Variants in ASB18 observed in about 807,000 individuals in gnomAD.
ASB18 encodes the protein ankyrin repeat and SOCS box protein 18.
ASB18 carries 33 observed loss-of-function variants against 33.4 expected under a neutral mutation model. That is an observed-to-expected ratio of 0.99 (90% CI 0.75 to 1.32). ASB18 has a LOEUF of 1.32. Among genes scored for constraint, ASB18 ranks in the 40% most tolerant of loss-of-function variants. The pLI is 0.00. For missense variants in ASB18, 694 were observed against 655.5 expected, an observed-to-expected ratio of 1.06 and a Z score of -0.64; for synonymous variants, 295 against 307.6, an observed-to-expected ratio of 0.96 and a Z score of 0.43.
In ASB18 at chr2:236,262,599, G is replaced by C. The variant is rs901694588; in HGVS notation, c.205+1542C>G. ...ATGCAGTTTGCAGAGATCAGCCTCG[G>C]GGGGGTGCTTGGGCACGGTGGGCCT... On this transcript the variant is annotated intron_variant, in intron 1 of 5. Transcript: ENST00000409749. This position sits in a 1 kb window ranked among gnomAD's most constrained non-coding sequence, Gnocchi z 5.2. Among the ~76,000 whole-genome samples, 1 of 152,232 alleles carries C rather than the reference G, an allele frequency of 6.6e-6. No individual in the cohort carries two copies. Among genetic ancestry groups the C allele is most frequent in the African/African-American group, 2.4e-5 (1 of 41,462 alleles).
Position 236,216,100 on chromosome 2 carries a change from C to T in ASB18, c.597-1234G>A, listed in dbSNP as rs191254874. ...TACTCAAATGGCCGAATCTTCAAGCCGGAGTCCATTCTTCACCCCCCTCCT... is the reference window on the plus strand; with the variant it reads ...TACTCAAATGGCCGAATCTTCAAGCTGGAGTCCATTCTTCACCCCCCTCCT... On this transcript the variant is annotated intron_variant, in intron 3 of 5. Coordinates refer to ENST00000409749, the MANE Select transcript of ASB18 (RefSeq NM_212556.4). This position sits in a 1 kb window ranked among gnomAD's most constrained non-coding sequence, Gnocchi z 6.1. Among the ~76,000 whole-genome samples, 239 of 152,290 alleles carry T rather than the reference C, an allele frequency of 1.6e-3. No individual in the cohort carries two copies. The highest frequency in any genetic ancestry group is 5.2e-3 in the Admixed American group (79 of 15,304).
At position 236,203,165 on chromosome 2, in the gene ASB18, T is replaced by C. The variant is rs1385077631; in HGVS notation, c.1102-6780A>G. Among the ~76,000 whole-genome samples, 1 of 152,152 alleles carries C rather than the reference T, an allele frequency of 6.6e-6. No homozygotes were observed. The highest frequency in any genetic ancestry group is 1.5e-5 in the Non-Finnish European group (1 of 68,034). ...ATTGTGTTATGTCTGCATGTTATGA[T>C]GGCCAGCTCCACCTTCACAGAGCTT... On this transcript the variant is annotated intron_variant, in intron 4 of 5. Transcript: ENST00000409749. This position sits in a 1 kb window ranked among gnomAD's most constrained non-coding sequence, Gnocchi z 6.0.
At position 236,242,474 on chromosome 2, in the gene ASB18, T is replaced by C. The variant is rs572857734; in HGVS notation, c.206-1072A>G. ...TGGTTTGGGTGCTATGAATTGTTTGTACATTTATAAATAGTTGGGAAAAAT... is the reference window on the plus strand; with the variant it reads ...TGGTTTGGGTGCTATGAATTGTTTGCACATTTATAAATAGTTGGGAAAAAT... On this transcript the variant is annotated intron_variant, in intron 1 of 5. Coordinates refer to ENST00000409749, the MANE Select transcript of ASB18 (RefSeq NM_212556.4). Among the ~76,000 whole-genome samples, 3 of 152,302 alleles carry C rather than the reference T, an allele frequency of 2.0e-5. No homozygotes were observed. The South Asian group carries it at 6.2e-4, about 32-fold the overall frequency.
intron 1 of ASB18, chr2:236,254,167 A>T (rs1162704712): frequency 6.6e-6 from 1 of 152,242 alleles, no homozygotes; most frequent in Non-Finnish European, 1.5e-5. Context: ...CTGAGTTCCA[A>T]TAAAACTTTA....
chr2:236,215,480 A>T lies in ASB18; in HGVS notation c.597-614T>A, dbSNP rs2060483466. Among the ~76,000 whole-genome samples the T allele has an allele frequency of 6.6e-6, 1 of 152,154 alleles. No homozygotes were observed. On this transcript the variant is annotated intron_variant, in intron 3 of 5. Coordinates refer to ENST00000409749, the MANE Select transcript of ASB18 (RefSeq NM_212556.4). This position sits in a 1 kb window ranked among gnomAD's most constrained non-coding sequence, Gnocchi z 7.2. ...GTGAGCCTACCTGTGCTGCTTGAAC[A>T]GACTGGATATTGGCTGCACCTGAAT... is the stretch of plus-strand genomic sequence containing the variant.
In ASB18 at chr2:236,229,286, G is replaced by T. The variant is rs368387007; in HGVS notation, c.596+8403C>A. On this transcript the variant is annotated intron_variant, in intron 3 of 5. Coordinates refer to ENST00000409749, the MANE Select transcript of ASB18 (RefSeq NM_212556.4). This position sits in a 1 kb window ranked among gnomAD's most constrained non-coding sequence, Gnocchi z 5.2. ...TGGAGATAAAAATATAGTGGATAAG[G>T]TTCATGGCAGATCAGGTATTTCAGA... Among the ~76,000 whole-genome samples the T allele has an allele frequency of 9.6e-4, 146 of 152,218 alleles. 1 individual carries two copies. Among genetic ancestry groups the T allele is most frequent in the African/African-American group, 3.1e-3 (129 of 41,556 alleles).
rs112868596 is a variant in ASB18 at position 236,262,887 on chromosome 2, G to A, written c.205+1254C>T. Among the ~76,000 whole-genome samples the A allele has an allele frequency of 1.4e-3, 10 of 7,062 alleles. 1 individual carries two copies. Among genetic ancestry groups the A allele is most frequent in the South Asian group, 0.018 (2 of 112 alleles). The allele number at this position is 7,062 out of a possible 152,430, so 4.6% of individuals were successfully genotyped here. A position where few individuals can be genotyped will look rare whatever the true frequency, so the allele number is the denominator to read the frequency against. On this transcript the variant is annotated intron_variant, in intron 1 of 5. Coordinates refer to ENST00000409749, the MANE Select transcript of ASB18 (RefSeq NM_212556.4). This position sits in a 1 kb window ranked among gnomAD's most constrained non-coding sequence, Gnocchi z 5.2. ...CCAGAAAGTAGACCCAAACCAAGGGGGGGGGGCGGACCCCCTCGGAAGTTC... is the reference window on the plus strand; with the variant it reads ...CCAGAAAGTAGACCCAAACCAAGGGAGGGGGGCGGACCCCCTCGGAAGTTC...
Position 236,220,976 on chromosome 2 carries a change from G to A in ASB18, c.597-6110C>T, listed in dbSNP as rs563371227. Among the ~76,000 whole-genome samples, 19 of 152,110 alleles carry A rather than the reference G, an allele frequency of 1.2e-4. No homozygotes were observed. Among genetic ancestry groups the A allele is most frequent in the Non-Finnish European group, 1.5e-5 (1 of 68,028 alleles). On this transcript the variant is annotated intron_variant, in intron 3 of 5. Transcript: ENST00000409749. This position sits in a 1 kb window ranked among gnomAD's most constrained non-coding sequence, Gnocchi z 5.1. ...AGGCGACCCATGGACCTCATTCTACGGGGTGGCACAGTAACCGGTTCTCAC... is the reference window on the plus strand; with the variant it reads ...AGGCGACCCATGGACCTCATTCTACAGGGTGGCACAGTAACCGGTTCTCAC...
chr2:236,247,578 C>T (rs2060650717), intron 1 of ASB18: 1 of 152,154 alleles, frequency 6.6e-6, no homozygotes, highest in Non-Finnish European at 1.5e-5. Context: ...GCTGCCTTCA[C>T]ATTTATCTAT....
At position 236,214,367 on chromosome 2, in the gene ASB18, G is replaced by C; in HGVS notation, c.1096C>G (p.Pro366Ala). ...CGGGCTGGATCCTGCCTTACCTTGG[G>C]GAAGGCGTCGGGCCACACGGTGGGA... ...GSPTVWPDAFPKVLKTCASVP... is the reference protein window; with the variant it reads ...GSPTVWPDAFAKVLKTCASVP... The change falls in exon 4 of 6, where the codon CCC becomes GCC. Residue 366 changes from proline to alanine, a missense_variant. Transcript: ENST00000409749. The surrounding 1 kb of genome is among the most constrained non-coding windows in gnomAD (Gnocchi z 6.5). 4.4e-6 allele frequency: 7 copies of C among 1,575,212 alleles called. No homozygotes were observed. The highest frequency in any genetic ancestry group is 6.0e-6 in the Non-Finnish European group (7 of 1,164,776).
rs1020202574 is a variant in ASB18 at position 236,213,670 on chromosome 2, C to A, written c.1101+692G>T. ...TTATCATTATTATTTCAGGGTAGAT[C>A]TGACGGGTGGAACAAGGATGAGTTG... On this transcript the variant is annotated intron_variant, in intron 4 of 5. Coordinates refer to ENST00000409749, the MANE Select transcript of ASB18 (RefSeq NM_212556.4). This position sits in a 1 kb window ranked among gnomAD's most constrained non-coding sequence, Gnocchi z 4.8. The A allele has an allele frequency of 6.6e-6, 1 of 152,136 alleles. No homozygotes were observed. Among genetic ancestry groups the A allele is most frequent in the Non-Finnish European group, 1.5e-5 (1 of 68,036 alleles). 9.4% of individuals were successfully genotyped at this position (152,136 alleles called of 1,614,324 possible).
rs908581251 is a variant in ASB18, at chr2:236,255,224, A to C, written c.205+8917T>G. Among the ~76,000 whole-genome samples the C allele has an allele frequency of 6.6e-6, 1 of 151,414 alleles. No homozygotes were observed. Among genetic ancestry groups the C allele is most frequent in the Non-Finnish European group, 1.5e-5 (1 of 67,860 alleles). ...AGTAGCGCGATCTTGGCTCACTGCA[A>C]CCTCCTCCTCCCAGGTTCAAGCGAT... On this transcript the variant is annotated intron_variant, in intron 1 of 5. Coordinates refer to ENST00000409749, the MANE Select transcript of ASB18 (RefSeq NM_212556.4). The surrounding 1 kb of genome is among the most constrained non-coding windows in gnomAD (Gnocchi z 4.4).
rs954262056 is a variant in ASB18, at chr2:236,249,756, C to T, written c.206-8354G>A. 5 of 151,986 alleles carry T rather than the reference C, an allele frequency of 3.3e-5. No homozygotes were observed. Among genetic ancestry groups the T allele is most frequent in the African/African-American group, 9.7e-5 (4 of 41,358 alleles). 9.4% of individuals were successfully genotyped at this position (151,986 alleles called of 1,614,324 possible). On this transcript the variant is annotated intron_variant, in intron 1 of 5. Coordinates refer to ENST00000409749, the MANE Select transcript of ASB18 (RefSeq NM_212556.4). The surrounding 1 kb of genome is among the most constrained non-coding windows in gnomAD (Gnocchi z 4.6). ...AATTTCTGTGGTCTTTTGCTGCAGA[C>T]CATGAAGTGAATTTAGGAAAAGGAA...
At chr2:236,202,344 TTA>T (rs2060407060) in intron 4 of ASB18, among the ~76,000 whole-genome samples, 1 of 152,148 alleles carries the variant, frequency 6.6e-6, no homozygotes, top group Non-Finnish European at 1.5e-5. Context: ...TTTTCATTTA[TTA>T]TCATAAATCA....
At position 236,196,164 on chromosome 2, in the gene ASB18, T is replaced by C; in HGVS notation, c.1215+108A>G. The C allele has an allele frequency of 6.9e-6, 5 of 722,366 alleles. No individual in the cohort carries two copies. Among genetic ancestry groups the C allele is most frequent in the Non-Finnish European group, 1.3e-5 (5 of 390,842 alleles). 44.7% of individuals were successfully genotyped at this position (722,366 alleles called of 1,614,324 possible). A position where few individuals can be genotyped will look rare whatever the true frequency, so the allele number is the denominator to read the frequency against. On this transcript the variant is annotated intron_variant, in intron 5 of 5. Coordinates refer to ENST00000409749, the MANE Select transcript of ASB18 (RefSeq NM_212556.4). This position sits in a 1 kb window ranked among gnomAD's most constrained non-coding sequence, Gnocchi z 5.6. ...ACCCTCATTTCCCATTCTTCCTTTT[T>C]CAGATGTATAATACTTAGCCGAATA...
chr2:236,224,185 GTTTTTTTTT>G (rs1161648778), intron 3 of ASB18, among the ~76,000 whole-genome samples: 59 of 66,806 alleles, frequency 8.8e-4, no homozygotes, highest in African/African-American at 2.5e-3. Context: ...GTGTTGTCAG[GTTTTTTTTT>G]TTTTTTTTTT....
rs149881278 is a variant in ASB18, at chr2:236,251,999, G to A, written c.206-10597C>T. The stretch of plus-strand genomic sequence containing the variant: ...AAATAGTAGAAATCTGGCCGGGCAT[G>A]GTGGCTCATGCCTGTAATCCCAGCA... On this transcript the variant is annotated intron_variant, in intron 1 of 5. Transcript: ENST00000409749. The surrounding 1 kb of genome is among the most constrained non-coding windows in gnomAD (Gnocchi z 5.3). Among the ~76,000 whole-genome samples the A allele has an allele frequency of 0.01, 1,577 of 152,242 alleles. 23 individuals carry two copies. The highest frequency in any genetic ancestry group is 0.036 in the African/African-American group (1,504 of 41,540).
intron 4 of ASB18, among the ~76,000 whole-genome samples, chr2:236,212,486 A>G (rs1193755401): frequency 1.3e-5 from 2 of 152,248 alleles, no homozygotes; most frequent in African/African-American, 4.8e-5. Flanking sequence ...GATTATTTCT[A>G]GTCGCTACTG....
At position 236,256,677 on chromosome 2, in the gene ASB18, G is replaced by A. The variant is rs1188997482; in HGVS notation, c.205+7464C>T. 6.6e-6 allele frequency among the ~76,000 whole-genome samples: 1 copy of A among 152,118 alleles called. No homozygotes were observed. The highest frequency in any genetic ancestry group is 1.5e-5 in the Non-Finnish European group (1 of 68,010). ...GCATACATTATTTCTTTATTAGCCC[G>A]TTTCTCAATTTTGATTCTGAAAATA... On this transcript the variant is annotated intron_variant, in intron 1 of 5. Coordinates refer to ENST00000409749, the MANE Select transcript of ASB18 (RefSeq NM_212556.4). The surrounding 1 kb of genome is among the most constrained non-coding windows in gnomAD (Gnocchi z 4.7).
Sources: allele counts gnomAD v4.1 joint callset (sites outside exome capture counted in the v4.1 genomes callset), GRCh38; gene constraint gnomAD v4.1.1; non-coding constraint Gnocchi (gnomAD v3.1); transcripts MANE v1.5; gene names NCBI Gene and HGNC (gene_info 2026-07-23, HGNC 2026-07-21).